MLIP: variants seen among roughly 807,000 people sequenced by gnomAD.
MLIP encodes the protein muscular LMNA interacting protein.
A neutral mutation model predicts 84.8 loss-of-function variants in MLIP; 79 were observed. The ratio of observed to expected loss-of-function variants is 0.93; its 90% CI spans 0.78 to 1.12. The LOEUF is 1.12. Ranked by LOEUF, MLIP falls within the 50% of genes most tolerant of loss-of-function variation. MLIP has a pLI of 0.00. For missense variants in MLIP, 1,257 were observed against 1,160.6 expected (o/e 1.08, Z -1.21); for synonymous variants, 504 against 463.0 (o/e 1.09, Z -1.14).
intron 1 of MLIP, among the ~76,000 whole-genome samples, chr6:54,045,216 C>T (rs555746886): frequency 1.4e-4 from 21 of 151,848 alleles, no homozygotes; most frequent in Admixed American, 2.6e-4. Context: ...GGCATGGTGG[C>T]GGGCACCTGT....
chr6:54,184,059 G>A (rs1260026095), intron 9 of MLIP, among the ~76,000 whole-genome samples: 1 of 152,066 alleles, frequency 6.6e-6, no homozygotes, highest in Non-Finnish European at 1.5e-5. Flanking sequence ...GCCAAGCTTA[G>A]CACTCAGTAA....
At chr6:54,215,212 A>T (rs1779771539) in intron 11 of MLIP, 1 of 1,533,592 alleles carries the variant, frequency 6.5e-7, no homozygotes, top group Non-Finnish European at 8.7e-7. Context: ...ATCATTGAGG[A>T]ACCCTATCCT....
intron 10 of MLIP, among the ~76,000 whole-genome samples, chr6:54,191,604 T>C (rs982511700): frequency 2.0e-5 from 3 of 152,150 alleles, no homozygotes; most frequent in Non-Finnish European, 4.4e-5. Flanking sequence ...TGGATTTCAA[T>C]TTCTTAATTG....
chr6:54,040,902 T>C (rs1329258022), intron 1 of MLIP: 1 of 151,956 alleles, frequency 6.6e-6, no homozygotes, highest in Non-Finnish European at 1.5e-5. Flanking sequence ...TAATAAGCAG[T>C]GGGGACTACT....
At chr6:54,207,158 G>C (rs1779087869) in intron 11 of MLIP, among the ~76,000 whole-genome samples, 1 of 151,302 alleles carries the variant, frequency 6.6e-6, no homozygotes, top group Non-Finnish European at 1.5e-5. Flanking sequence ...TTTAATTTAA[G>C]GACTGAAGTC....
chr6:54,124,850 G>A lies in MLIP; in HGVS notation c.630G>A (p.Gln210=). Residue 210 remains glutamine (Q), a synonymous_variant, in exon 3 of 14, where the codon CAG becomes CAA. Coordinates refer to ENST00000502396, the MANE Select transcript of MLIP (RefSeq NM_001281747.2). The part of the protein sequence containing the change: ...HPEMLHGMAP[Q]QKHGQLTSSP... ...AAATGCTTCATGGGATGGCCCCTCAGCAAAAGCATGGGCAGGTAGGTTTTG... is the reference window on the plus strand; with the variant it reads ...AAATGCTTCATGGGATGGCCCCTCAACAAAAGCATGGGCAGGTAGGTTTTG... 1.3e-6 allele frequency: 2 copies of A among 1,591,492 alleles called. No homozygotes were observed. Among genetic ancestry groups the A allele is most frequent in the Non-Finnish European group, 1.7e-6 (2 of 1,168,520 alleles).
intron 1 of MLIP, among the ~76,000 whole-genome samples, chr6:54,090,701 G>C (rs951004567): frequency 6.6e-6 from 1 of 151,658 alleles, no homozygotes; most frequent in Non-Finnish European, 1.5e-5. Flanking sequence ...GAGAAAGAGA[G>C]AGAGAGAGAG....
intron 1 of MLIP, among the ~76,000 whole-genome samples, chr6:54,024,287 C>T (rs962146673): frequency 6.6e-6 from 1 of 152,268 alleles, no homozygotes; most frequent in Non-Finnish European, 1.5e-5. Flanking sequence ...GTTGGGATTA[C>T]AGGTGTGAGC....
intron 11 of MLIP, among the ~76,000 whole-genome samples, chr6:54,219,370 C>CTT (rs5876371): frequency 4.4e-4 from 34 of 77,498 alleles, no homozygotes; most frequent in Non-Finnish European, 5.3e-4. Context: ...ACATTTTAAA[C>CTT]TTTTTTTTTT....
At chr6:54,158,349 C>A (rs1167226181) in intron 5 of MLIP, among the ~76,000 whole-genome samples, 5 of 152,046 alleles carry the variant, frequency 3.3e-5, no homozygotes, top group African/African-American at 1.2e-4. Context: ...TTGATTTTTT[C>A]TGTTTACAAA....
chr6:54,202,286 T>TC, intron 11 of MLIP, 53 bp downstream of exon 11: 1 of 823,406 alleles, frequency 1.2e-6, no homozygotes, highest in Non-Finnish European at 1.5e-6. Context: ...TAAATATATA[T>TC]AAAATATATA....
In MLIP at chr6:54,240,705, C is replaced by T. The variant is rs146211647; in HGVS notation, c.2922+9788C>T. Among the ~76,000 whole-genome samples the T allele has an allele frequency of 1.1e-4, 17 of 152,190 alleles. No individual in the cohort carries two copies. In the East Asian group the frequency reaches 3.1e-3, roughly 28 times the overall value. On this transcript the variant is annotated intron_variant, in intron 12 of 13. Transcript: ENST00000502396. ...AAAGTGCAGATTCCTGGCCGGGCAC[C>T]GTGGCTCACGCCTGTAATCCCAGCA...
At chr6:54,264,505 T>C (rs1011954756) in intron 13 of MLIP, among the ~76,000 whole-genome samples, 3 of 152,112 alleles carry the variant, frequency 2.0e-5, no homozygotes, top group African/African-American at 7.2e-5. Flanking sequence ...TTTTATTCTT[T>C]GTAAAATGGA....
At chr6:54,070,699 C>A (rs1320843374) in intron 1 of MLIP, among the ~76,000 whole-genome samples, 1 of 152,014 alleles carries the variant, frequency 6.6e-6, no homozygotes, top group Non-Finnish European at 1.5e-5. Flanking sequence ...ACTCTTTTTG[C>A]AGTTTGAGGG....
chr6:54,188,723 G>C (rs1777633977), intron 9 of MLIP, among the ~76,000 whole-genome samples: 1 of 152,108 alleles, frequency 6.6e-6, no homozygotes, highest in Admixed American at 6.5e-5. Context: ...CATTTGAAGA[G>C]ATAGTCATGT....
At chr6:54,265,031 A>G (rs764862031) in intron 13 of MLIP, among the ~76,000 whole-genome samples, 1 of 152,030 alleles carries the variant, frequency 6.6e-6, no homozygotes, top group East Asian at 1.9e-4. Context: ...TCACCTCATG[A>G]TCTGGCTGAG....
At chr6:54,224,554 C>A (rs1780445706) in intron 11 of MLIP, among the ~76,000 whole-genome samples, 1 of 151,922 alleles carries the variant, frequency 6.6e-6, no homozygotes, top group Non-Finnish European at 1.5e-5. Context: ...CTGAGAAATC[C>A]ATCCTTAGGG....
chr6:54,026,118 G>C (rs1388163075), intron 1 of MLIP, among the ~76,000 whole-genome samples: 2 of 152,158 alleles, frequency 1.3e-5, no homozygotes, highest in Non-Finnish European at 2.9e-5. Flanking sequence ...TCTGAACAGT[G>C]TGTCACTCCT....
At chr6:54,215,133 C>T in intron 11 of MLIP, 1 of 1,533,700 alleles carries the variant, frequency 6.5e-7, no homozygotes, top group Non-Finnish European at 8.7e-7. Context: ...GTCCACTTTA[C>T]ACTCAGGCTG....
Sources: allele counts gnomAD v4.1 joint callset (sites outside exome capture counted in the v4.1 genomes callset), GRCh38; gene constraint gnomAD v4.1.1; transcripts MANE v1.5; gene names NCBI Gene and HGNC (gene_info 2026-07-23, HGNC 2026-07-21).